Variants in SHBG observed in about 807,000 individuals in gnomAD.
The protein encoded by SHBG is sex hormone binding globulin.
Under a neutral mutation model 41.9 loss-of-function variants are expected in SHBG, and 37 were observed. The ratio of observed to expected loss-of-function variants is 0.88; its 90% CI spans 0.68 to 1.16. The LOEUF is 1.16. Ranked by LOEUF, SHBG falls within the 50% of genes most tolerant of loss-of-function variation. The probability of loss-of-function intolerance (pLI) is 0.00; values close to 1 mark genes in which losing one functional copy is unlikely to be tolerated. For synonymous variants in SHBG, 217 were observed against 205.8 expected (o/e 1.05, Z -0.47); for missense variants, 466 against 499.9 (o/e 0.93, Z 0.65).
chr17:7,628,357 G>C (rs1275864066), upstream of SHBG, among the ~76,000 whole-genome samples: 1 of 151,994 alleles, frequency 6.6e-6, no homozygotes, highest in African/African-American at 2.4e-5. Context: ...TCCACCTCCC[G>C]AGTTCAAGCG....
At chr17:7,626,686 C>T (rs539717308), upstream of SHBG, 4 of 1,612,370 alleles carry the variant, frequency 2.5e-6, no homozygotes, top group South Asian at 3.3e-5. Flanking sequence ...CTCTTTCAAC[C>T]CGGGTCCCCC....
At position 7,633,236 on chromosome 17, in the gene SHBG, G is replaced by A. The variant is rs769234159; in HGVS notation, c.1093G>A (p.Gly365Ser). ...CTCTTCCACCTCTTTTTGCCTGAAT[G>A]GCCTTTGGGCACAAGGTCAGAGGCT... The part of the protein sequence containing the change: ...EDSSTSFCLN[G>S]LWAQGQRLDV... The change falls in exon 8 of 8, where the codon GGC becomes AGC. Residue 365 changes from glycine (G) to serine (S), a missense_variant. By Grantham distance (56) the Gly-to-Ser change is moderately conservative. Coordinates refer to ENST00000380450, the MANE Select transcript of SHBG (RefSeq NM_001040.5). The A allele has an allele frequency of 2.2e-5, 36 of 1,614,080 alleles. No individual in the cohort carries two copies. The highest frequency in any genetic ancestry group is 2.9e-5 in the Non-Finnish European group (34 of 1,180,030).
chr17:7,623,938 T>G (rs548652754), upstream of SHBG, among the ~76,000 whole-genome samples: 3 of 152,218 alleles, frequency 2.0e-5, no homozygotes, highest in African/African-American at 7.2e-5. Context: ...ATTTTATTTA[T>G]TTAGTTTTTG....
chr17:7,631,665 C>G lies in SHBG; in HGVS notation c.632C>G (p.Pro211Arg), dbSNP rs376116621. 6.2e-7 allele frequency: 1 copy of G among 1,614,040 alleles called. No homozygotes were observed. Among genetic ancestry groups the G allele is most frequent in the African/African-American group, 1.3e-5 (1 of 74,936 alleles). Residue 211 changes from proline to arginine, a missense_variant, in exon 5 of 8, where the codon CCC becomes CGC. Transcript: ENST00000380450. Reference sequence around the variant, plus strand: ...CAGGCCGAGATCTCAGCATCTGCCCCCACTAGCCTCAGAAGCTGTGATGTA... The same window carrying G: ...CAGGCCGAGATCTCAGCATCTGCCCGCACTAGCCTCAGAAGCTGTGATGTA... The part of the protein sequence containing the change: ...DKQAEISASA[P>R]TSLRSCDVES...
chr17:7,633,085 G>C, intron 7 of SHBG, 119 bp from the exon 8 acceptor site: 2 of 1,414,636 alleles, frequency 1.4e-6, no homozygotes, highest in South Asian at 2.3e-5. Context: ...GAAGATATGG[G>C]GGCAGTGGAA....
chr17:7,622,992 G>A (rs1280512331), upstream of SHBG, among the ~76,000 whole-genome samples: 1 of 151,092 alleles, frequency 6.6e-6, no homozygotes, highest in Non-Finnish European at 1.5e-5. Flanking sequence ...AGCCGAGATC[G>A]CGCCACTGCA....
upstream of SHBG, chr17:7,626,376 G>A (rs542091354): frequency 1.1e-5 from 17 of 1,548,806 alleles, no homozygotes; most frequent in South Asian, 8.3e-5. Flanking sequence ...GTCTGTGGAC[G>A]TAGTCTCTGA....
intron 5 of SHBG, 59 bp from the exon 6 acceptor site, chr17:7,631,819 GC>G: frequency 6.2e-7 from 1 of 1,612,936 alleles, no homozygotes; most frequent in Non-Finnish European, 8.5e-7. Context: ...TCTACCACTG[GC>G]CCCTTTCCTC....
chr17:7,615,437 T>C (rs1198769941), intron 1 of SHBG, among the ~76,000 whole-genome samples: 1 of 152,244 alleles, frequency 6.6e-6, no homozygotes, highest in African/African-American at 2.4e-5. Flanking sequence ...GCCGATATTT[T>C]AAGAATCTGT....
chr17:7,623,058 T>C (rs532767690), upstream of SHBG, among the ~76,000 whole-genome samples: 65 of 147,252 alleles, frequency 4.4e-4, 1 homozygote, highest in African/African-American at 1.6e-3. Flanking sequence ...AAAAGTAAAC[T>C]CTGAAAACCA....
chr17:7,631,925 G>A lies in SHBG; in HGVS notation c.762G>A (p.Leu254=). The part of the protein sequence containing the change: ...HAEPWAFSLD[L]GLKQAAGSGH... ...AGCCCTGGGCCTTCTCTTTGGACCT[G>A]GGACTCAAGCAGGCAGCAGGCTCAG... The change falls in exon 6 of 8, where the codon CTG becomes CTA. Residue 254 remains leucine (L), a synonymous_variant. Coordinates refer to ENST00000380450, the MANE Select transcript of SHBG (RefSeq NM_001040.5). 6.2e-7 allele frequency: 1 copy of A among 1,614,034 alleles called. No individual in the cohort carries two copies. The highest frequency in any genetic ancestry group is 1.1e-5 in the South Asian group (1 of 91,076).
chr17:7,627,588 A>G (rs1365838875), upstream of SHBG: 2 of 1,611,564 alleles, frequency 1.2e-6, no homozygotes, highest in African/African-American at 2.7e-5. This position sits in a 1 kb window ranked among gnomAD's most constrained non-coding sequence, Gnocchi z 4.8. Flanking sequence ...GCCTCAGGAT[A>G]TCTCCACAGT....
At chr17:7,618,854 G>T (rs1483893803) in intron 1 of SHBG, among the ~76,000 whole-genome samples, 1 of 152,132 alleles carries the variant, frequency 6.6e-6, no homozygotes, top group Admixed American at 6.6e-5. Context: ...GACTGGAGCA[G>T]GTCTAAGAGC....
chr17:7,632,793 G>A lies in SHBG; in HGVS notation c.894G>A (p.Leu298=), dbSNP rs1211734159. Residue 298 remains leucine, a synonymous_variant, in exon 7 of 8, where the codon CTG becomes CTA. Coordinates refer to ENST00000380450, the MANE Select transcript of SHBG (RefSeq NM_001040.5). ...LSSGSGPGLD[L]PLVLGLPLQL... is the part of the protein sequence containing the mutation. ...CTGGGTCGGGGCCAGGGCTGGATCT[G>A]CCCCTGGTCTTGGGACTCCCTCTTC... 6.2e-7 allele frequency: 1 copy of A among 1,614,086 alleles called. No individual in the cohort carries two copies. The highest frequency in any genetic ancestry group is 1.7e-5 in the Admixed American group (1 of 60,018).
intron 6 of SHBG, 22 bp downstream of exon 6, chr17:7,632,037 T>C: frequency 1.2e-6 from 2 of 1,611,200 alleles, no homozygotes; most frequent in Non-Finnish European, 1.7e-6. Flanking sequence ...CAGTGGGGCA[T>C]TGCCTGTATT....
intron 1 of SHBG, among the ~76,000 whole-genome samples, chr17:7,621,377 A>G (rs976050699): frequency 7.1e-6 from 1 of 141,288 alleles, no homozygotes; most frequent in Non-Finnish European, 1.6e-5. Context: ...CGGGCAGATC[A>G]TCTGAGGTCA....
chr17:7,631,105 G>C, intron 3 of SHBG, 95 bp from the exon 4 acceptor site: 2 of 1,285,382 alleles, frequency 1.6e-6, no homozygotes, highest in Non-Finnish European at 2.1e-6. Context: ...CTTCTTTAAG[G>C]CATGTTCTTT....
upstream of SHBG, among the ~76,000 whole-genome samples, chr17:7,623,379 A>C (rs1028465236): frequency 4.6e-5 from 7 of 152,222 alleles, no homozygotes; most frequent in Admixed American, 4.6e-4. Flanking sequence ...AACAAGAGTG[A>C]AACTCCATCT....
chr17:7,619,699 G>A (rs578175347), intron 1 of SHBG, among the ~76,000 whole-genome samples: 8 of 149,946 alleles, frequency 5.3e-5, no homozygotes, highest in South Asian at 2.1e-4. Flanking sequence ...CAACAAGAGC[G>A]GAACTTCGTC....
Sources: gnomAD v4.1 joint callset for allele counts (sites outside exome capture counted in the v4.1 genomes callset) on GRCh38, gnomAD v4.1.1 for gene constraint, Gnocchi (gnomAD v3.1) non-coding constraint, MANE v1.5 for transcripts, NCBI Gene and HGNC (gene_info 2026-07-23, HGNC 2026-07-21) for gene names.